FBN1: variants seen among roughly 807,000 people sequenced by gnomAD.
FBN1 encodes fibrillin 1.
In FBN1, 29 loss-of-function variants were observed where a neutral mutation model predicts 365.1. The ratio of observed to expected loss-of-function variants is 0.08; its 90% CI spans 0.06 to 0.11. FBN1 has a LOEUF of 0.11. Among genes scored for constraint, FBN1 ranks in the 10% least tolerant of loss-of-function variants. FBN1 has a pLI of 1.00. For missense variants in FBN1, 2,476 were observed against 3,703.2 expected (o/e 0.67, Z 8.60); for synonymous variants, 1,210 against 1,270.5 (o/e 0.95, Z 1.01).
chr15:48,505,353 C>T lies in FBN1; in HGVS notation c.1838-206G>A, dbSNP rs112644116. On this transcript the variant is annotated intron_variant, in intron 15 of 65. Coordinates refer to ENST00000316623, the MANE Select transcript of FBN1 (RefSeq NM_000138.5). ...AAATCAACTGTTGGAACTTATTTTC[C>T]ATAAAAAGTAACTTTAATATATTCT... 1.5e-4 allele frequency among the ~76,000 whole-genome samples: 23 copies of T among 152,218 alleles called. 1 individual carries two copies. The highest frequency in any genetic ancestry group is 5.5e-4 in the African/African-American group (23 of 41,536).
chr15:48,520,489 T>C (rs1566917910), intron 10 of FBN1, among the ~76,000 whole-genome samples, 170 bp downstream of exon 10: 1 of 146,140 alleles, frequency 6.8e-6, no homozygotes, highest in African/African-American at 2.7e-5. Context: ...TACAGACCCC[T>C]TTTTTTTTCC....
intron 24 of FBN1, among the ~76,000 whole-genome samples, chr15:48,491,706 G>A (rs1000445609): frequency 3.9e-5 from 6 of 152,154 alleles, no homozygotes; most frequent in Non-Finnish European, 8.8e-5. Context: ...AAAGTAATGT[G>A]GTTTCAGATG....
chr15:48,637,819 G>A (rs576721232), intron 2 of FBN1, among the ~76,000 whole-genome samples: 19 of 152,194 alleles, frequency 1.2e-4, no homozygotes, highest in African/African-American at 3.4e-4. Flanking sequence ...TTTTTATCAC[G>A]TAGATCAGAG....
chr15:48,423,070 G>A (rs1451264585), intron 60 of FBN1, among the ~76,000 whole-genome samples: 1 of 152,140 alleles, frequency 6.6e-6, no homozygotes. Flanking sequence ...TTTTCTCAAC[G>A]CCTCAACTTC....
intron 53 of FBN1, among the ~76,000 whole-genome samples, chr15:48,435,780 G>GTATATATGTATA (rs1382120396): frequency 1.3e-5 from 1 of 77,404 alleles, no homozygotes; most frequent in African/African-American, 3.1e-5. Flanking sequence ...ATATGTGTGT[G>GTATATATGTATA]TGTGTGTGTG....
chr15:48,568,943 G>A (rs1309870854), intron 6 of FBN1, among the ~76,000 whole-genome samples: 1 of 151,804 alleles, frequency 6.6e-6, no homozygotes, highest in African/African-American at 2.4e-5. Flanking sequence ...AGAGTTCTTA[G>A]ATAAAATATC....
chr15:48,446,157 C>G (rs1405028239), intron 47 of FBN1, among the ~76,000 whole-genome samples: 1 of 152,082 alleles, frequency 6.6e-6, no homozygotes, highest in Admixed American at 6.6e-5. Flanking sequence ...TGCTAATAAG[C>G]ATTTTAATAA....
intron 17 of FBN1, among the ~76,000 whole-genome samples, chr15:48,501,013 A>C (rs1221782710): frequency 1.3e-5 from 2 of 152,250 alleles, no homozygotes. Context: ...GTTCATGACC[A>C]AAGAGGTGGA....
chr15:48,420,958 C>T (rs912813891), intron 62 of FBN1, 152 bp from the exon 63 acceptor site: 3 of 878,532 alleles, frequency 3.4e-6, no homozygotes, highest in Non-Finnish European at 3.6e-6. Context: ...GCTGCTAAGT[C>T]CAAGGAGAAA....
At chr15:48,612,050 G>C (rs1293661474) in intron 3 of FBN1, among the ~76,000 whole-genome samples, 1 of 152,166 alleles carries the variant, frequency 6.6e-6, no homozygotes, top group Non-Finnish European at 1.5e-5. Flanking sequence ...GGCTAAGAAA[G>C]GGTTCTATTA....
chr15:48,555,510 A>G (rs375845665), intron 6 of FBN1, among the ~76,000 whole-genome samples: 1 of 152,192 alleles, frequency 6.6e-6, no homozygotes, highest in African/African-American at 2.4e-5. Flanking sequence ...ATATATCAAA[A>G]TGAACATCTT....
At chr15:48,478,104 C>T (rs937610961) in intron 32 of FBN1, among the ~76,000 whole-genome samples, 2 of 152,208 alleles carry the variant, frequency 1.3e-5, no homozygotes, top group Admixed American at 6.5e-5. Flanking sequence ...CAGAGCTGTG[C>T]ACTGCAGAAA....
rs937249166 is a variant in FBN1 at position 48,472,657 on chromosome 15, C to T, written c.4230G>A (p.Glu1410=). 3.1e-6 allele frequency: 5 copies of T among 1,614,174 alleles called. No homozygotes were observed. The highest frequency in any genetic ancestry group is 4.2e-6 in the Non-Finnish European group (5 of 1,180,022). ...FTCTDLDECS[E]NLNLCGNGQC... ...GGCCATTGCCACAGAGATTCAGGTTCTCAGAGCACTCATCAAGGTCTACAG... is the reference window on the plus strand; with the variant it reads ...GGCCATTGCCACAGAGATTCAGGTTTTCAGAGCACTCATCAAGGTCTACAG... Residue 1410 remains glutamate, a synonymous_variant, in exon 35 of 66, where the codon GAG becomes GAA. Transcript: ENST00000316623.
intron 6 of FBN1, among the ~76,000 whole-genome samples, chr15:48,580,764 C>T (rs1365525281): frequency 2.0e-5 from 3 of 152,166 alleles, no homozygotes; most frequent in African/African-American, 7.2e-5. Context: ...CAGAGTGATC[C>T]ATTTTAATTA....
Position 48,408,560 on chromosome 15 carries a change from A to G in FBN1, c.*2430T>C, listed in dbSNP as rs970488736. The G allele has an allele frequency of 2.6e-5, 4 of 152,674 alleles. No individual in the cohort carries two copies. Among genetic ancestry groups the G allele is most frequent in the Non-Finnish European group, 4.4e-5 (3 of 68,048 alleles). The allele number at this position is 152,674 out of a possible 1,614,324, so 9.5% of individuals were successfully genotyped here. The stretch of plus-strand genomic sequence containing the variant: ...AGGGGGTAGAGACAAGATATTTTCA[A>G]GCTTCTGAGAGATTTACAAAGCCAA... On this transcript the variant is annotated 3_prime_UTR_variant, in exon 66 of 66. Coordinates refer to ENST00000316623, the MANE Select transcript of FBN1 (RefSeq NM_000138.5).
chr15:48,504,800 G>C (rs1430499200), intron 16 of FBN1, among the ~76,000 whole-genome samples: 1 of 152,162 alleles, frequency 6.6e-6, no homozygotes, highest in African/African-American at 2.4e-5. Flanking sequence ...GAAGAAAAGG[G>C]GGAAGGATAG....
At chr15:48,593,454 A>T (rs2044494446) in intron 6 of FBN1, among the ~76,000 whole-genome samples, 1 of 152,208 alleles carries the variant, frequency 6.6e-6, no homozygotes, top group African/African-American at 2.4e-5. Flanking sequence ...TAACTGAAAA[A>T]TGACAGTCTT....
At chr15:48,517,710 G>A (rs774086824) in intron 10 of FBN1, among the ~76,000 whole-genome samples, 1 of 152,078 alleles carries the variant, frequency 6.6e-6, no homozygotes, top group Non-Finnish European at 1.5e-5. Context: ...CCTTCTATAA[G>A]TAACCTATGT....
chr15:48,560,568 G>T (rs1406357221), intron 6 of FBN1, among the ~76,000 whole-genome samples: 2 of 152,154 alleles, frequency 1.3e-5, no homozygotes, highest in Non-Finnish European at 2.9e-5. Context: ...TGTGATATGA[G>T]ATCTGGTATA....
Sources: gnomAD v4.1 joint callset for allele counts (sites outside exome capture counted in the v4.1 genomes callset) on GRCh38, gnomAD v4.1.1 for gene constraint, MANE v1.5 for transcripts, NCBI Gene and HGNC (gene_info 2026-07-23, HGNC 2026-07-21) for gene names.